SH3GL2: variants seen among roughly 807,000 people sequenced by gnomAD.
The protein encoded by SH3GL2 is SH3 domain containing GRB2 like 2, endophilin A1.
In SH3GL2, 24 loss-of-function variants were observed where a neutral mutation model predicts 46.0. The observed-to-expected ratio is 0.52, with a 90% CI of 0.38 to 0.73. The LOEUF (loss-of-function observed/expected upper bound fraction) is 0.73. SH3GL2 is among the 30% of genes least tolerant of loss of function. The pLI, the probability that SH3GL2 is intolerant of heterozygous loss-of-function variation, is 0.00. For synonymous variants in SH3GL2, 196 were observed against 147.1 expected (o/e 1.33, Z -2.40); for missense variants, 413 against 424.2 (o/e 0.97, Z 0.23).
intron 2 of SH3GL2, among the ~76,000 whole-genome samples, chr9:17,758,433 G>A (rs960714000): frequency 2.6e-5 from 4 of 151,532 alleles, no homozygotes; most frequent in Non-Finnish European, 5.9e-5. Flanking sequence ...ATGGTGGTGC[G>A]TGCCTCTAGT....
chr9:17,759,159 C>A (rs2131148318), intron 2 of SH3GL2, among the ~76,000 whole-genome samples: 1 of 152,278 alleles, frequency 6.6e-6, no homozygotes, highest in South Asian at 2.1e-4. Context: ...GTGGGATAGA[C>A]ACTGCAGGTA....
At chr9:17,631,988 C>T (rs1417600503) in intron 1 of SH3GL2, among the ~76,000 whole-genome samples, 2 of 152,138 alleles carry the variant, frequency 1.3e-5, no homozygotes, top group South Asian at 4.2e-4. Context: ...CAGAATATTC[C>T]TTTTAGGGTT....
chr9:17,606,373 A>G (rs375338572), intron 1 of SH3GL2, among the ~76,000 whole-genome samples: 22 of 152,198 alleles, frequency 1.4e-4, no homozygotes, highest in Non-Finnish European at 2.2e-4. Context: ...TTACAGGCGT[A>G]AGCCACCATG....
At chr9:17,645,151 C>CTTTTTTTTTTTTTTTTTTTTT (rs57611978) in intron 1 of SH3GL2, among the ~76,000 whole-genome samples, 3 of 68,780 alleles carry the variant, frequency 4.4e-5, no homozygotes, top group Non-Finnish European at 8.0e-5. Flanking sequence ...GCAAACGCTG[C>CTTTTTTTTTTTTTTTTTTTTT]TTTTTTTTTT....
At chr9:17,683,827 T>G (rs1820835466) in intron 1 of SH3GL2, among the ~76,000 whole-genome samples, 1 of 152,020 alleles carries the variant, frequency 6.6e-6, no homozygotes, top group South Asian at 2.1e-4. Flanking sequence ...CAGCCCCAAC[T>G]GAAGAACAGG....
intron 1 of SH3GL2, among the ~76,000 whole-genome samples, chr9:17,730,636 C>T (rs1822152690): frequency 6.6e-6 from 1 of 152,050 alleles, no homozygotes; most frequent in South Asian, 2.1e-4. Context: ...TAGGTTCAAT[C>T]AATACCTGGT....
At chr9:17,686,870 C>G (rs1436346520) in intron 1 of SH3GL2, among the ~76,000 whole-genome samples, 1 of 149,660 alleles carries the variant, frequency 6.7e-6, no homozygotes, top group East Asian at 2.0e-4. Context: ...AGCGCACCAG[C>G]ATGGCACATG....
intron 6 of SH3GL2, among the ~76,000 whole-genome samples, chr9:17,790,837 C>G (rs1824106325): frequency 6.6e-6 from 1 of 152,034 alleles, no homozygotes; most frequent in Non-Finnish European, 1.5e-5. Context: ...ATTAACAGTA[C>G]CGATATTAAC....
At chr9:17,626,612 G>A (rs1588184703) in intron 1 of SH3GL2, among the ~76,000 whole-genome samples, 2 of 152,066 alleles carry the variant, frequency 1.3e-5, no homozygotes, top group Non-Finnish European at 2.9e-5. Flanking sequence ...CCAGTAAATC[G>A]AAGGCCATTG....
At chr9:17,677,642 A>G (rs1820646892) in intron 1 of SH3GL2, among the ~76,000 whole-genome samples, 1 of 150,698 alleles carries the variant, frequency 6.6e-6, no homozygotes, top group African/African-American at 2.5e-5. Flanking sequence ...ATATATATAT[A>G]TTTATACTTT....
chr9:17,733,332 T>A (rs1464939290), intron 1 of SH3GL2, among the ~76,000 whole-genome samples: 1 of 152,090 alleles, frequency 6.6e-6, no homozygotes, highest in Admixed American at 6.6e-5. Context: ...ATGTGCAGGT[T>A]AGTTACATAT....
chr9:17,709,817 G>A (rs760433500), intron 1 of SH3GL2, among the ~76,000 whole-genome samples: 92 of 151,748 alleles, frequency 6.1e-4, no homozygotes, highest in Non-Finnish European at 1.0e-3. Flanking sequence ...AATATATTGA[G>A]TTCCTAGTAT....
intron 3 of SH3GL2, among the ~76,000 whole-genome samples, chr9:17,777,638 T>G (rs1049757184): frequency 2.0e-5 from 3 of 148,806 alleles, no homozygotes; most frequent in Admixed American, 1.4e-4. Context: ...TGGCTGGTAG[T>G]TAGACGCCTT....
At chr9:17,756,797 T>A (rs905193261) in intron 2 of SH3GL2, among the ~76,000 whole-genome samples, 1 of 152,110 alleles carries the variant, frequency 6.6e-6, no homozygotes, top group Admixed American at 6.6e-5. Context: ...CGTGTGCATG[T>A]GTCTTTATAG....
intron 1 of SH3GL2, among the ~76,000 whole-genome samples, chr9:17,581,140 A>T (rs941055922): frequency 1.3e-5 from 2 of 152,234 alleles, no homozygotes; most frequent in Non-Finnish European, 2.9e-5. Flanking sequence ...ATAAAATACT[A>T]TCCCTTATGC....
intron 1 of SH3GL2, 71 bp downstream of exon 1, chr9:17,579,358 C>A (rs1262017777): frequency 7.0e-5 from 79 of 1,123,358 alleles, no homozygotes; most frequent in Non-Finnish European, 8.9e-5. Context: ...CGGCGCTGGC[C>A]GTCCGGCGGC....
At chr9:17,603,922 A>G (rs772704101) in intron 1 of SH3GL2, among the ~76,000 whole-genome samples, 3 of 152,190 alleles carry the variant, frequency 2.0e-5, no homozygotes, top group Non-Finnish European at 2.9e-5. Context: ...AATTATATAT[A>G]CACTTACAAG....
intron 1 of SH3GL2, among the ~76,000 whole-genome samples, chr9:17,739,324 T>C (rs771194564): frequency 7.9e-5 from 12 of 152,108 alleles, no homozygotes; most frequent in Non-Finnish European, 1.3e-4. Flanking sequence ...GAGTTGCTTT[T>C]TTTTTTCTCA....
At chr9:17,691,864 A>G (rs564742817) in intron 1 of SH3GL2, among the ~76,000 whole-genome samples, 5 of 152,282 alleles carry the variant, frequency 3.3e-5, no homozygotes, top group South Asian at 2.1e-4. Context: ...ACAAAGTACT[A>G]TATATTCCAC....
Sources: allele counts gnomAD v4.1 joint callset (sites outside exome capture counted in the v4.1 genomes callset), GRCh38; gene constraint gnomAD v4.1.1; transcripts MANE v1.5; gene names NCBI Gene and HGNC (gene_info 2026-07-23, HGNC 2026-07-21).